Variants in MEGF11 observed in about 807,000 individuals in gnomAD.
MEGF11 encodes the protein multiple epidermal growth factor-like domains protein 11.
MEGF11 carries 126 observed loss-of-function variants against 146.6 expected under a neutral mutation model. The ratio of observed to expected loss-of-function variants is 0.86; its 90% CI spans 0.74 to 1.00. MEGF11 has a LOEUF of 1.00. MEGF11 is among the 50% of genes least tolerant of loss of function. The probability of loss-of-function intolerance (pLI) is 0.00; values close to 1 mark genes in which losing one functional copy is unlikely to be tolerated. For synonymous variants in MEGF11, 532 were observed against 583.4 expected, an observed-to-expected ratio of 0.91 and a Z score of 1.27; for missense variants, 1,509 against 1,521.2, an observed-to-expected ratio of 0.99 and a Z score of 0.13.
chr15:66,000,299 C>G (rs1353782299), intron 5 of MEGF11, among the ~76,000 whole-genome samples: 1 of 152,148 alleles, frequency 6.6e-6, no homozygotes. Context: ...GAGGCTGAGA[C>G]AGGAGGATGG....
chr15:66,162,633 T>C (rs1363468438), intron 1 of MEGF11, among the ~76,000 whole-genome samples: 2 of 152,076 alleles, frequency 1.3e-5, no homozygotes, highest in Non-Finnish European at 2.9e-5. Context: ...AATAGTTACC[T>C]CTGGGAGGGG....
At chr15:66,209,402 G>A (rs968846827) in intron 1 of MEGF11, among the ~76,000 whole-genome samples, 2 of 151,744 alleles carry the variant, frequency 1.3e-5, no homozygotes, top group Non-Finnish European at 2.9e-5. Flanking sequence ...GAGCAATTAC[G>A]CTCCTCAGCA....
chr15:66,202,922 C>A (rs2091203507), intron 1 of MEGF11, among the ~76,000 whole-genome samples: 1 of 152,194 alleles, frequency 6.6e-6, no homozygotes, highest in South Asian at 2.1e-4. Flanking sequence ...GTCTTTCCAC[C>A]CTCCAGGGCC....
intron 8 of MEGF11, 114 bp downstream of exon 8, chr15:65,970,439 T>C: frequency 8.1e-7 from 1 of 1,237,158 alleles, no homozygotes. Flanking sequence ...CAGAGTGCTT[T>C]CTGAGAAAGG....
intron 5 of MEGF11, among the ~76,000 whole-genome samples, chr15:66,015,210 A>G (rs1475802379): frequency 6.6e-6 from 1 of 152,092 alleles, no homozygotes; most frequent in East Asian, 1.9e-4. Flanking sequence ...CTCACCAGCA[A>G]TTGCTCTTTT....
intron 3 of MEGF11, among the ~76,000 whole-genome samples, chr15:66,119,592 C>T (rs6494554): frequency 0.3 from 45,361 of 151,896 alleles, 7,810 homozygotes; most frequent in African/African-American, 0.47. Flanking sequence ...CTGTCCCACC[C>T]CTCTAACAAG....
At chr15:66,129,730 T>C (rs1225474502) in intron 1 of MEGF11, among the ~76,000 whole-genome samples, 1 of 152,224 alleles carries the variant, frequency 6.6e-6, no homozygotes, top group Non-Finnish European at 1.5e-5. Flanking sequence ...AGTGCCATTC[T>C]TCTGAAAGGT....
chr15:65,918,109 C>A lies in MEGF11; in HGVS notation c.1958-15G>T. On this transcript the variant is annotated splice_polypyrimidine_tract_variant and intron_variant, in intron 15 of 25. Coordinates refer to ENST00000395614, the MANE Select transcript of MEGF11 (RefSeq NM_001385028.1). ...TCCAGCACACACTGTGGGCACAGGG[C>A]AGCCTGGCACCCATCCTCCCACCTG... 6.2e-7 allele frequency: 1 copy of A among 1,613,158 alleles called. No individual in the cohort carries two copies. Among genetic ancestry groups the A allele is most frequent in the Non-Finnish European group, 8.5e-7 (1 of 1,179,790 alleles).
At chr15:66,221,603 G>A (rs1026373702) in intron 1 of MEGF11, among the ~76,000 whole-genome samples, 3 of 151,786 alleles carry the variant, frequency 2.0e-5, no homozygotes, top group Non-Finnish European at 2.9e-5. Context: ...GAGGGAGCGG[G>A]GACAGACCTC....
At chr15:66,059,813 C>T (rs2084829334) in intron 5 of MEGF11, among the ~76,000 whole-genome samples, 1 of 152,180 alleles carries the variant, frequency 6.6e-6, no homozygotes, top group Non-Finnish European at 1.5e-5. Context: ...GCCCGGCTCC[C>T]AGGCAGGGAG....
At chr15:65,942,384 T>C (rs376080793) in intron 10 of MEGF11, among the ~76,000 whole-genome samples, 4 of 152,336 alleles carry the variant, frequency 2.6e-5, no homozygotes, top group East Asian at 1.9e-4. Context: ...CATTTGTATC[T>C]TATGTTGTTA....
intron 1 of MEGF11, among the ~76,000 whole-genome samples, chr15:66,188,639 G>A (rs1345642622): frequency 6.6e-6 from 1 of 152,134 alleles, no homozygotes; most frequent in Non-Finnish European, 1.5e-5. Flanking sequence ...CCTGCAGCTG[G>A]GAGCACCAGT....
At chr15:66,035,097 C>T (rs1294652932) in intron 5 of MEGF11, among the ~76,000 whole-genome samples, 1 of 152,132 alleles carries the variant, frequency 6.6e-6, no homozygotes, top group Non-Finnish European at 1.5e-5. Context: ...TCTGTTATAG[C>T]AACAGAAAAT....
At chr15:66,015,469 T>C (rs2082855230) in intron 5 of MEGF11, among the ~76,000 whole-genome samples, 2 of 152,102 alleles carry the variant, frequency 1.3e-5, no homozygotes, top group Admixed American at 1.3e-4. Context: ...TGTGATAGGG[T>C]TATGGGGAAA....
At chr15:65,976,321 A>G (rs1295994920) in intron 7 of MEGF11, among the ~76,000 whole-genome samples, 2 of 152,184 alleles carry the variant, frequency 1.3e-5, no homozygotes, top group Admixed American at 6.5e-5. Flanking sequence ...GATTACAGGC[A>G]TGAGCCACCA....
intron 7 of MEGF11, among the ~76,000 whole-genome samples, chr15:65,975,661 G>A (rs1596939957): frequency 6.6e-6 from 1 of 152,286 alleles, no homozygotes; most frequent in East Asian, 1.9e-4. Flanking sequence ...GGATAAGTCA[G>A]GTGATCATTC....
At chr15:66,246,702 T>C (rs2092300864) in intron 1 of MEGF11, among the ~76,000 whole-genome samples, 1 of 152,024 alleles carries the variant, frequency 6.6e-6, no homozygotes, top group Non-Finnish European at 1.5e-5. Flanking sequence ...TCCCAGCTAC[T>C]TGGGAGGCTT....
chr15:66,027,041 G>T (rs925928622), intron 5 of MEGF11, among the ~76,000 whole-genome samples: 1 of 152,150 alleles, frequency 6.6e-6, no homozygotes, highest in Non-Finnish European at 1.5e-5. Context: ...ATTATCTCTG[G>T]TAGCCCTCAT....
chr15:66,130,495 G>C (rs879865716), intron 1 of MEGF11, among the ~76,000 whole-genome samples: 2 of 152,132 alleles, frequency 1.3e-5, no homozygotes, highest in Non-Finnish European at 2.9e-5. Context: ...ACCTGGACAG[G>C]AGAAGATTGT....
Sources: allele counts gnomAD v4.1 joint callset (sites outside exome capture counted in the v4.1 genomes callset), GRCh38; gene constraint gnomAD v4.1.1; transcripts MANE v1.5; gene names NCBI Gene and HGNC (gene_info 2026-07-23, HGNC 2026-07-21).